The following RASA1 variants were observed in gnomAD, a reference collection of about 807,000 sequenced individuals.
RASA1 encodes the protein RAS p21 protein activator 1.
A neutral mutation model predicts 132.2 loss-of-function variants in RASA1; 25 were observed. The observed-to-expected ratio is 0.19, with a 90% confidence interval of 0.14 to 0.26. The LOEUF is 0.26. RASA1 is among the 10% of genes least tolerant of loss of function. RASA1 has a pLI of 1.00. For synonymous variants in RASA1, 477 were observed against 449.9 expected (o/e 1.06, Z -0.76); for missense variants, 964 against 1,299.2 (o/e 0.74, Z 3.97).
intron 1 of RASA1, among the ~76,000 whole-genome samples, chr5:87,312,368 AT>A (rs1330317821): frequency 6.6e-6 from 1 of 152,076 alleles, no homozygotes; most frequent in Non-Finnish European, 1.5e-5. Context: ...CTTCTCATAA[AT>A]TTTTTTTGGA....
At chr5:87,274,244 C>T (rs751192442) in intron 1 of RASA1, among the ~76,000 whole-genome samples, 4 of 152,264 alleles carry the variant, frequency 2.6e-5, no homozygotes, top group Non-Finnish European at 2.9e-5. Context: ...TCAGACTTCT[C>T]AAGTCTGAAA....
At chr5:87,386,991 T>C (rs775551076) in intron 23 of RASA1, 88 bp downstream of exon 23, 10 of 1,234,892 alleles carry the variant, frequency 8.1e-6, no homozygotes, top group Non-Finnish European at 9.3e-6. Flanking sequence ...TTTAGAAAGA[T>C]TTTCTATCCA....
chr5:87,342,747 G>C (rs926452398), intron 6 of RASA1, among the ~76,000 whole-genome samples: 1 of 152,134 alleles, frequency 6.6e-6, no homozygotes, highest in Admixed American at 6.6e-5. Context: ...TAATCACTTT[G>C]TCTAGTTGTC....
chr5:87,383,171 A>G (rs182962257), intron 20 of RASA1, among the ~76,000 whole-genome samples: 174 of 152,274 alleles, frequency 1.1e-3, no homozygotes, highest in African/African-American at 4.1e-3. Flanking sequence ...TCAATAAGTC[A>G]CTTTTTCTCT....
chr5:87,315,218 AT>A (rs1379423674), intron 1 of RASA1, among the ~76,000 whole-genome samples: 1 of 152,220 alleles, frequency 6.6e-6, no homozygotes, highest in Non-Finnish European at 1.5e-5. Context: ...CTGGTAATTT[AT>A]TTTAAAAAAC....
intron 8 of RASA1, among the ~76,000 whole-genome samples, chr5:87,351,837 G>C (rs1008814844): frequency 5.3e-5 from 8 of 151,648 alleles, no homozygotes; most frequent in African/African-American, 9.7e-5. Flanking sequence ...ACTTCCCCAT[G>C]GTTTCCTGTT....
At chr5:87,331,550 T>C (rs747253038) in intron 2 of RASA1, 50 bp downstream of exon 2, 18 of 1,574,166 alleles carry the variant, frequency 1.1e-5, no homozygotes, top group East Asian at 2.2e-5. Context: ...TATTTTGATA[T>C]AATATTCATA....
chr5:87,278,725 T>C (rs1754177761), intron 1 of RASA1, among the ~76,000 whole-genome samples: 1 of 152,106 alleles, frequency 6.6e-6, no homozygotes, highest in Admixed American at 6.5e-5. Flanking sequence ...TGTGTGTGCA[T>C]GTATGTGTGT....
chr5:87,389,883 T>C (rs779569874), intron 24 of RASA1, among the ~76,000 whole-genome samples: 23 of 152,166 alleles, frequency 1.5e-4, no homozygotes, highest in Non-Finnish European at 2.8e-4. Context: ...CATACAGATA[T>C]AGTGCATGGC....
rs893038508 is a variant in RASA1 at position 87,363,330 on chromosome 5, A to T, written c.1454-18A>T. 4.4e-6 allele frequency: 6 copies of T among 1,378,286 alleles called. No homozygotes were observed. The highest frequency in any genetic ancestry group is 3.7e-5 in the Admixed American group (2 of 53,610). 85.4% of individuals were successfully genotyped at this position (1,378,286 alleles called of 1,614,324 possible). Reference sequence around the variant, plus strand: ...ACAATTGTTTGGCTAAGAGAAAACAATTTTTTTTTTTAAACAGGCAAAGGA... The same window carrying T: ...ACAATTGTTTGGCTAAGAGAAAACATTTTTTTTTTTTAAACAGGCAAAGGA... On this transcript the variant is annotated intron_variant, in intron 10 of 24. Transcript: ENST00000274376.
At chr5:87,271,414 G>C (rs371356222) in intron 1 of RASA1, among the ~76,000 whole-genome samples, 107 of 141,928 alleles carry the variant, frequency 7.5e-4, no homozygotes, top group Middle Eastern at 3.9e-3. Flanking sequence ...GGTATATTTA[G>C]GATATTGTAG....
At chr5:87,270,326 C>G (rs557512097) in intron 1 of RASA1, among the ~76,000 whole-genome samples, 22 of 148,722 alleles carry the variant, frequency 1.5e-4, no homozygotes, top group African/African-American at 5.4e-4. Context: ...TCACTCTGGA[C>G]AATTCAGAGG....
At chr5:87,332,483 C>T (rs760074054) in intron 2 of RASA1, 24 bp from the exon 3 acceptor site, 1 of 1,588,086 alleles carries the variant, frequency 6.3e-7, no homozygotes, top group Non-Finnish European at 8.6e-7. Flanking sequence ...TTTTTTTATA[C>T]TGTATTTTTT....
intron 2 of RASA1, 61 bp downstream of exon 2, chr5:87,331,561 A>AT (rs1757601652): frequency 3.2e-6 from 5 of 1,548,106 alleles, no homozygotes; most frequent in African/African-American, 1.4e-5. Context: ...AATATTCATA[A>AT]ATATACCTGT....
At chr5:87,349,576 A>G (rs1339602358) in intron 8 of RASA1, among the ~76,000 whole-genome samples, 1 of 151,916 alleles carries the variant, frequency 6.6e-6, no homozygotes, top group Non-Finnish European at 1.5e-5. Flanking sequence ...TTTCCTTCCA[A>G]AACAATTTTT....
At chr5:87,293,575 T>C (rs1475567710) in intron 1 of RASA1, among the ~76,000 whole-genome samples, 1 of 152,192 alleles carries the variant, frequency 6.6e-6, no homozygotes, top group Non-Finnish European at 1.5e-5. Context: ...GGTTTTGGTA[T>C]TAGGTTAGTA....
At chr5:87,382,088 G>T (rs1761757918) in intron 20 of RASA1, among the ~76,000 whole-genome samples, 1 of 152,064 alleles carries the variant, frequency 6.6e-6, no homozygotes, top group South Asian at 2.1e-4. Flanking sequence ...CAAGTAGCTG[G>T]ATTACAGGCA....
At position 87,271,426 on chromosome 5, in the gene RASA1, TA is replaced by T. The variant is rs371585246; in HGVS notation, c.539+2444del. Reference sequence around the variant, plus strand: ...TTAGGTATATTTAGGATATTGTAGTTAAAAAAAACTGTTTTTAGTAGACTTC... The same window carrying T: ...TTAGGTATATTTAGGATATTGTAGTTAAAAAAACTGTTTTTAGTAGACTTC... On this transcript the variant is annotated intron_variant, in intron 1 of 24. Coordinates refer to ENST00000274376, the MANE Select transcript of RASA1 (RefSeq NM_002890.3). 6.3e-3 allele frequency among the ~76,000 whole-genome samples: 916 copies of T among 144,422 alleles called. 10 individuals carry two copies. Among genetic ancestry groups the T allele is most frequent in the African/African-American group, 0.023 (867 of 38,220 alleles). 94.7% of individuals were successfully genotyped at this position (144,422 alleles called of 152,430 possible).
At chr5:87,349,149 A>G (rs1288662984) in intron 7 of RASA1, 65 bp from the exon 8 acceptor site, 64 of 1,560,328 alleles carry the variant, frequency 4.1e-5, no homozygotes, top group Non-Finnish European at 5.6e-5. Context: ...TTGTAATAAT[A>G]CTACTTAACA....
Sources: gnomAD v4.1 joint callset for allele counts (sites outside exome capture counted in the v4.1 genomes callset) on GRCh38, gnomAD v4.1.1 for gene constraint, MANE v1.5 for transcripts, NCBI Gene and HGNC (gene_info 2026-07-23, HGNC 2026-07-21) for gene names.